GRM7: variants seen among roughly 807,000 people sequenced by gnomAD.
The protein encoded by GRM7 is metabotropic glutamate receptor 7.
In GRM7, 35 loss-of-function variants were observed where a neutral mutation model predicts 84.5. That is an observed-to-expected ratio of 0.41 (90% CI 0.32 to 0.55). The LOEUF is 0.55. GRM7 is among the 20% of genes least tolerant of loss of function. The pLI is 0.19. For missense variants in GRM7, 1,003 were observed against 1,194.6 expected, an observed-to-expected ratio of 0.84 and a Z score of 2.36; for synonymous variants, 487 against 455.1, an observed-to-expected ratio of 1.07 and a Z score of -0.89.
At chr3:7,607,619 G>C (rs1696643221) in intron 8 of GRM7, 1 of 151,694 alleles carries the variant, frequency 6.6e-6, no homozygotes, top group South Asian at 2.1e-4. Flanking sequence ...AAAGTAAATA[G>C]CCACTGTTGC....
chr3:7,010,574 C>T (rs1220357123), intron 1 of GRM7, among the ~76,000 whole-genome samples: 1 of 152,164 alleles, frequency 6.6e-6, no homozygotes, highest in Non-Finnish European at 1.5e-5. Flanking sequence ...ACAACCGAAT[C>T]AGATATTGAG....
At chr3:7,711,671 G>C (rs954999677) in intron 9 of GRM7, among the ~76,000 whole-genome samples, 1 of 152,160 alleles carries the variant, frequency 6.6e-6, no homozygotes, top group East Asian at 1.9e-4. Context: ...ATCAACCACC[G>C]ATCTTGGGCC....
At chr3:6,929,059 TCTGTAAGA>T (rs1697405594) in intron 1 of GRM7, among the ~76,000 whole-genome samples, 1 of 152,152 alleles carries the variant, frequency 6.6e-6, no homozygotes. Context: ...GACAGTAATA[TCTGTAAGA>T]CTTTCAATCT....
chr3:7,545,652 T>C (rs1377608278), intron 7 of GRM7, among the ~76,000 whole-genome samples: 1 of 152,016 alleles, frequency 6.6e-6, no homozygotes, highest in Non-Finnish European at 1.5e-5. Context: ...GTCTAGCAAA[T>C]TGAATATATG....
intron 1 of GRM7, among the ~76,000 whole-genome samples, chr3:6,991,433 T>G (rs1273659440): frequency 6.6e-6 from 1 of 152,034 alleles, no homozygotes; most frequent in Admixed American, 6.6e-5. Flanking sequence ...AAGAACAAAT[T>G]TAGTATTCGA....
At chr3:7,182,290 C>T (rs1471300201) in intron 2 of GRM7, among the ~76,000 whole-genome samples, 12 of 152,244 alleles carry the variant, frequency 7.9e-5, no homozygotes, top group Non-Finnish European at 1.8e-4. Flanking sequence ...AAGCATTTCA[C>T]TCATTAATAT....
chr3:7,527,416 A>T (rs534131137), intron 7 of GRM7, among the ~76,000 whole-genome samples: 116 of 152,044 alleles, frequency 7.6e-4, no homozygotes, highest in African/African-American at 2.6e-3. Context: ...TGGATCTAGG[A>T]GTCTTTTCAT....
Position 6,890,566 on chromosome 3 carries a change from T to C in GRM7, c.519+28659T>C, listed in dbSNP as rs148878720. 4.9e-3 allele frequency among the ~76,000 whole-genome samples: 740 copies of C among 152,306 alleles called. 6 individuals are homozygous for C. The highest frequency in any genetic ancestry group is 0.016 in the African/African-American group (683 of 41,564). The stretch of plus-strand genomic sequence containing the variant: ...TTTGAGTGAGTTTCTTAATCCTGAG[T>C]TCTAGTTTGATTGCACTGTGGTCTG... On this transcript the variant is annotated intron_variant, in intron 1 of 9. Transcript: ENST00000357716.
At chr3:7,050,861 G>T (rs1360237685) in intron 1 of GRM7, among the ~76,000 whole-genome samples, 2 of 151,748 alleles carry the variant, frequency 1.3e-5, no homozygotes, top group Non-Finnish European at 2.9e-5. Flanking sequence ...CACAGTGTTT[G>T]ATTCAAAACC....
At chr3:6,892,627 G>T (rs1696008029) in intron 1 of GRM7, 1 of 152,076 alleles carries the variant, frequency 6.6e-6, no homozygotes, top group African/African-American at 2.4e-5. Flanking sequence ...AAGAATTGGA[G>T]CCAATTCTGC....
intron 2 of GRM7, among the ~76,000 whole-genome samples, chr3:7,249,042 A>C (rs1290206581): frequency 6.6e-6 from 1 of 152,188 alleles, no homozygotes; most frequent in African/African-American, 2.4e-5. Flanking sequence ...TAACTCGAGG[A>C]CTTTACCCTG....
At chr3:7,069,317 T>C (rs1697781962) in intron 1 of GRM7, among the ~76,000 whole-genome samples, 1 of 151,962 alleles carries the variant, frequency 6.6e-6, no homozygotes, top group African/African-American at 2.4e-5. Flanking sequence ...GTTACCAAAC[T>C]AGAGCTGTGG....
At chr3:6,877,302 C>T (rs1024993763) in intron 1 of GRM7, among the ~76,000 whole-genome samples, 37 of 152,150 alleles carry the variant, frequency 2.4e-4, no homozygotes, top group African/African-American at 8.0e-4. Context: ...GACAAACTCA[C>T]ATTAATTCAT....
intron 7 of GRM7, among the ~76,000 whole-genome samples, chr3:7,464,975 G>A (rs144593354): frequency 1.6e-4 from 24 of 152,210 alleles, no homozygotes; most frequent in African/African-American, 2.6e-4. Flanking sequence ...CAGCCCTGGC[G>A]AGAGTGCGAG....
At chr3:7,216,987 A>C (rs1009657568) in intron 2 of GRM7, among the ~76,000 whole-genome samples, 3 of 152,030 alleles carry the variant, frequency 2.0e-5, no homozygotes, top group African/African-American at 7.3e-5. Flanking sequence ...TCATCACATC[A>C]TTTAGTTTTT....
At chr3:7,470,306 A>G (rs1221519934) in intron 7 of GRM7, among the ~76,000 whole-genome samples, 1 of 152,234 alleles carries the variant, frequency 6.6e-6, no homozygotes, top group Non-Finnish European at 1.5e-5. Context: ...TAATATCCCA[A>G]AACATTCCAT....
intron 2 of GRM7, among the ~76,000 whole-genome samples, chr3:7,261,461 T>C (rs1411988730): frequency 6.6e-6 from 1 of 152,196 alleles, no homozygotes; most frequent in African/African-American, 2.4e-5. Context: ...TTTTTCTCCA[T>C]CCCTTTACTC....
intron 1 of GRM7, among the ~76,000 whole-genome samples, chr3:7,055,872 C>A (rs1697201438): frequency 6.6e-6 from 1 of 151,930 alleles, no homozygotes; most frequent in Non-Finnish European, 1.5e-5. Context: ...TCATGGCCCT[C>A]TCAGTATTGA....
chr3:7,469,913 T>C (rs1434207894), intron 7 of GRM7, among the ~76,000 whole-genome samples: 1 of 152,194 alleles, frequency 6.6e-6, no homozygotes, highest in African/African-American at 2.4e-5. Flanking sequence ...CAGGTGTGGT[T>C]CAAAAATTAA....
Sources: allele counts gnomAD v4.1 joint callset (sites outside exome capture counted in the v4.1 genomes callset), GRCh38; gene constraint gnomAD v4.1.1; transcripts MANE v1.5; gene names NCBI Gene and HGNC (gene_info 2026-07-23, HGNC 2026-07-21).